Variants in FERMT2 observed in about 807,000 individuals in gnomAD.
FERMT2 encodes FERM domain containing kindlin 2.
FERMT2 carries 15 observed loss-of-function variants against 82.7 expected under a neutral mutation model. That is an observed-to-expected ratio of 0.18 (90% CI 0.12 to 0.28). The LOEUF (loss-of-function observed/expected upper bound fraction) is 0.28. Ranked by LOEUF, FERMT2 falls within the 10% of genes least tolerant of loss-of-function variation. The pLI is 1.00. For missense variants in FERMT2, 645 were observed against 809.4 expected, an observed-to-expected ratio of 0.80 and a Z score of 2.46; for synonymous variants, 274 against 271.5, an observed-to-expected ratio of 1.01 and a Z score of -0.09.
intron 4 of FERMT2, among the ~76,000 whole-genome samples, chr14:52,891,606 G>C (rs1327961886): frequency 6.6e-6 from 1 of 152,162 alleles, no homozygotes; most frequent in Middle Eastern, 3.2e-3. Context: ...TGGGTAAAGT[G>C]CATGAAATAG....
chr14:52,879,573 T>A (rs759214678), intron 6 of FERMT2, among the ~76,000 whole-genome samples: 1 of 152,182 alleles, frequency 6.6e-6, no homozygotes. Context: ...ATTCCCAAAG[T>A]AGCTTTGGCT....
chr14:52,898,193 G>T (rs572348543), intron 3 of FERMT2, among the ~76,000 whole-genome samples: 1 of 152,054 alleles, frequency 6.6e-6, no homozygotes, highest in South Asian at 2.1e-4. Flanking sequence ...TAAATTTGGG[G>T]TAAGTATATC....
intron 3 of FERMT2, among the ~76,000 whole-genome samples, chr14:52,897,918 G>A (rs528854747): frequency 7.1e-6 from 1 of 141,380 alleles, no homozygotes; most frequent in African/African-American, 2.6e-5. Flanking sequence ...GGAGGTTGCA[G>A]TGAGCTAAGA....
intron 3 of FERMT2, among the ~76,000 whole-genome samples, chr14:52,905,574 A>G (rs1887957821): frequency 6.6e-6 from 1 of 152,182 alleles, no homozygotes. Flanking sequence ...GGAGATGGAG[A>G]GACGTGGAAA....
intron 2 of FERMT2, among the ~76,000 whole-genome samples, chr14:52,938,109 T>C (rs941454239): frequency 2.6e-5 from 4 of 152,214 alleles, no homozygotes; most frequent in Non-Finnish European, 5.9e-5. Flanking sequence ...TTGTAAGTAC[T>C]GAAGCTGGTA....
intron 8 of FERMT2, among the ~76,000 whole-genome samples, chr14:52,874,805 A>C (rs747519038): frequency 1.3e-5 from 2 of 152,174 alleles, no homozygotes; most frequent in East Asian, 1.9e-4. Flanking sequence ...ATTACTTTAA[A>C]AACAAACTTC....
chr14:52,939,256 C>A (rs1889985587), intron 2 of FERMT2, among the ~76,000 whole-genome samples: 1 of 150,458 alleles, frequency 6.6e-6, no homozygotes, highest in African/African-American at 2.4e-5. Context: ...GCCTGTAATC[C>A]CAGCTACTCA....
chr14:52,902,131 G>C (rs111353601), intron 3 of FERMT2, among the ~76,000 whole-genome samples: 1 of 152,168 alleles, frequency 6.6e-6, no homozygotes, highest in Admixed American at 6.5e-5. Context: ...GGTGGCTTAC[G>C]CCTGTAATCC....
chr14:52,948,766 C>T (rs971120348), intron 2 of FERMT2, among the ~76,000 whole-genome samples: 8 of 152,140 alleles, frequency 5.3e-5, no homozygotes, highest in Non-Finnish European at 1.0e-4. Context: ...TACAGCCTGG[C>T]TTTCGAGAAC....
At chr14:52,926,987 T>C (rs1449188145) in intron 2 of FERMT2, among the ~76,000 whole-genome samples, 1 of 152,204 alleles carries the variant, frequency 6.6e-6, no homozygotes, top group Non-Finnish European at 1.5e-5. Flanking sequence ...CATCACACCG[T>C]ATCACGTGCA....
At chr14:52,903,839 A>C (rs1310483812) in intron 3 of FERMT2, among the ~76,000 whole-genome samples, 1 of 152,210 alleles carries the variant, frequency 6.6e-6, no homozygotes, top group Non-Finnish European at 1.5e-5. Flanking sequence ...ATGATGCTGA[A>C]GGGAAATCCT....
intron 10 of FERMT2, among the ~76,000 whole-genome samples, chr14:52,869,098 C>T (rs1885458994): frequency 6.6e-6 from 1 of 152,166 alleles, no homozygotes; most frequent in African/African-American, 2.4e-5. Flanking sequence ...TCAAAGTCAA[C>T]AGTGGATCAT....
rs190372108 is a variant in FERMT2, at chr14:52,900,974, C to T, written c.392-7547G>A. On this transcript the variant is annotated intron_variant, in intron 3 of 14. Transcript: ENST00000341590. ...AGCTTCCTATTAGGTACTGATATTG[C>T]CCCAGGCCAGGCGCAGTGGCTCATG... Among the ~76,000 whole-genome samples, 88 of 151,820 alleles carry T rather than the reference C, an allele frequency of 5.8e-4. 1 individual carries two copies. Among genetic ancestry groups the T allele is most frequent in the African/African-American group, 2.0e-3 (82 of 41,406 alleles).
intron 3 of FERMT2, among the ~76,000 whole-genome samples, chr14:52,911,564 T>C (rs1888312627): frequency 6.6e-6 from 1 of 151,156 alleles, no homozygotes; most frequent in African/African-American, 2.4e-5. Flanking sequence ...GGCAGGAGAA[T>C]GGCGTGAACC....
intron 2 of FERMT2, among the ~76,000 whole-genome samples, chr14:52,933,077 GC>G (rs138170875): frequency 0.021 from 3,210 of 151,550 alleles, 78 homozygotes; most frequent in East Asian, 0.075. Context: ...CTATACTTCT[GC>G]CCCCACCCCA....
intron 8 of FERMT2, 111 bp from the exon 9 acceptor site, chr14:52,874,337 T>C (rs1885821976): frequency 3.5e-6 from 2 of 570,182 alleles, no homozygotes; most frequent in Non-Finnish European, 5.8e-6. Context: ...TGACATAAAA[T>C]ACAATGATAA....
At chr14:52,914,953 T>G (rs906932661) in intron 3 of FERMT2, among the ~76,000 whole-genome samples, 1 of 150,840 alleles carries the variant, frequency 6.6e-6, no homozygotes, top group African/African-American at 2.4e-5. Flanking sequence ...AAATAAAAAT[T>G]AAAAAAACAA....
chr14:52,874,458 A>G (rs1885827321), intron 8 of FERMT2, among the ~76,000 whole-genome samples: 1 of 152,216 alleles, frequency 6.6e-6, no homozygotes, highest in African/African-American at 2.4e-5. Context: ...CAAAATGGCA[A>G]TTTATACAAC....
chr14:52,880,904 G>C (rs1035428447), intron 6 of FERMT2, 132 bp downstream of exon 6: 11 of 568,100 alleles, frequency 1.9e-5, no homozygotes, highest in African/African-American at 1.9e-4. Context: ...TAAAAGTTTG[G>C]GTTTTTAATA....
Sources: allele counts gnomAD v4.1 joint callset (sites outside exome capture counted in the v4.1 genomes callset), GRCh38; gene constraint gnomAD v4.1.1; transcripts MANE v1.5; gene names NCBI Gene and HGNC (gene_info 2026-07-23, HGNC 2026-07-21).